Variants in DPP10 observed in about 807,000 individuals in gnomAD.
DPP10 encodes the protein inactive dipeptidyl peptidase 10.
A neutral mutation model predicts 120.9 loss-of-function variants in DPP10; 33 were observed. The ratio of observed to expected loss-of-function variants is 0.27; its 90% CI spans 0.21 to 0.37. DPP10 has a LOEUF of 0.37. Ranked by LOEUF, DPP10 falls within the 10% of genes least tolerant of loss-of-function variation. The probability of loss-of-function intolerance (pLI) is 1.00; values close to 1 mark genes in which losing one functional copy is unlikely to be tolerated. For synonymous variants in DPP10, 337 were observed against 326.1 expected, an observed-to-expected ratio of 1.03 and a Z score of -0.36; for missense variants, 816 against 942.8, an observed-to-expected ratio of 0.87 and a Z score of 1.76.
intron 1 of DPP10, among the ~76,000 whole-genome samples, chr2:114,603,434 A>C (rs2105240322): frequency 6.6e-6 from 1 of 152,140 alleles, no homozygotes; most frequent in Non-Finnish European, 1.5e-5. Context: ...TTAAACCATA[A>C]CGTCGGGATT....
At chr2:115,088,759 A>AAAAAAAAAAAAAAAAAAAC (rs1553485540) in intron 1 of DPP10, among the ~76,000 whole-genome samples, 16 of 149,886 alleles carry the variant, frequency 1.1e-4, no homozygotes, top group Non-Finnish European at 2.2e-4. Flanking sequence ...ACAAAAAAAA[A>AAAAAAAAAAAAAAAAAAAC]AAAAAAAAAA....
At chr2:115,766,274 C>G (rs1680699783) in intron 12 of DPP10, among the ~76,000 whole-genome samples, 1 of 108,966 alleles carries the variant, frequency 9.2e-6, no homozygotes, top group African/African-American at 3.0e-5. Flanking sequence ...AACAAAAATA[C>G]TCATTATATA....
At chr2:114,450,598 T>G (rs1678207558) in intron 1 of DPP10, among the ~76,000 whole-genome samples, 2 of 152,146 alleles carry the variant, frequency 1.3e-5, no homozygotes, top group African/African-American at 4.8e-5. Context: ...TATTGGTCTT[T>G]GTTGAGCTAA....
chr2:114,666,477 A>G (rs949652966), intron 1 of DPP10, among the ~76,000 whole-genome samples: 1 of 152,216 alleles, frequency 6.6e-6, no homozygotes, highest in Non-Finnish European at 1.5e-5. Context: ...TAGACCTATT[A>G]GTAGGAGCCA....
chr2:115,570,033 G>A (rs1029473758), intron 5 of DPP10, among the ~76,000 whole-genome samples: 15 of 152,164 alleles, frequency 9.9e-5, no homozygotes, highest in East Asian at 1.9e-4. Flanking sequence ...TTATCTGTGT[G>A]ACACAGAGAT....
chr2:115,733,728 T>G (rs772950978), intron 8 of DPP10, among the ~76,000 whole-genome samples: 2 of 152,106 alleles, frequency 1.3e-5, no homozygotes, highest in Non-Finnish European at 2.9e-5. Flanking sequence ...CTAAACACAA[T>G]CGTTGTATCT....
At chr2:115,266,744 T>C (rs2059479447) in intron 1 of DPP10, among the ~76,000 whole-genome samples, 1 of 152,200 alleles carries the variant, frequency 6.6e-6, no homozygotes, top group Non-Finnish European at 1.5e-5. Flanking sequence ...TTTGGTCAAC[T>C]TTTATGTACT....
chr2:114,921,732 A>G (rs1016229128), intron 1 of DPP10, among the ~76,000 whole-genome samples: 6 of 152,188 alleles, frequency 3.9e-5, no homozygotes, highest in Admixed American at 3.9e-4. Flanking sequence ...TCACCTTTGG[A>G]CCGTAGGTCA....
intron 4 of DPP10, among the ~76,000 whole-genome samples, chr2:115,508,304 G>C (rs934834955): frequency 1.3e-5 from 2 of 151,756 alleles, no homozygotes; most frequent in African/African-American, 2.4e-5. Context: ...TGCTTTTTCT[G>C]TCCCAACTAC....
intron 1 of DPP10, among the ~76,000 whole-genome samples, chr2:114,911,623 A>C (rs994605946): frequency 1.3e-5 from 2 of 152,206 alleles, no homozygotes; most frequent in Non-Finnish European, 2.9e-5. Context: ...GATGAGAAGA[A>C]ACCAGCCAAG....
At chr2:115,201,499 C>A (rs1246178013) in intron 1 of DPP10, among the ~76,000 whole-genome samples, 1 of 151,988 alleles carries the variant, frequency 6.6e-6, no homozygotes, top group Non-Finnish European at 1.5e-5. Flanking sequence ...AAACATAGAA[C>A]CATTTGGTGA....
At chr2:115,736,500 T>C (rs1157897212) in intron 8 of DPP10, among the ~76,000 whole-genome samples, 1 of 152,182 alleles carries the variant, frequency 6.6e-6, no homozygotes, top group Non-Finnish European at 1.5e-5. Flanking sequence ...ATGTGGATTA[T>C]TATGGTAATG....
At chr2:115,346,112 A>G (rs913764508) in intron 3 of DPP10, among the ~76,000 whole-genome samples, 2 of 152,124 alleles carry the variant, frequency 1.3e-5, no homozygotes, top group African/African-American at 4.8e-5. Flanking sequence ...ATAGAAATGG[A>G]TTTGTGCTTT....
intron 1 of DPP10, among the ~76,000 whole-genome samples, chr2:114,634,587 T>C (rs1225621372): frequency 6.6e-6 from 1 of 151,940 alleles, no homozygotes; most frequent in Non-Finnish European, 1.5e-5. Flanking sequence ...GCAGGTTTTA[T>C]CACTTGCTAT....
rs550363240 is a variant in DPP10 at position 115,051,183 on chromosome 2, G to A, written c.61-258056G>A. Among the ~76,000 whole-genome samples the A allele has an allele frequency of 7.9e-5, 12 of 152,234 alleles. No homozygotes were observed. The South Asian group carries it at 2.5e-3, about 32-fold the overall frequency. ...TGCCTCTGATTAACCTGAGACATTG[G>A]TCTTAGCAGACAAATCCTTTAAATC... On this transcript the variant is annotated intron_variant, in intron 1 of 25. Transcript: ENST00000410059.
intron 1 of DPP10, among the ~76,000 whole-genome samples, chr2:115,139,110 T>G (rs1400534753): frequency 1.3e-5 from 2 of 152,170 alleles, no homozygotes; most frequent in Non-Finnish European, 2.9e-5. Flanking sequence ...TCCAAGAAAG[T>G]GTTTGCAAAG....
At chr2:114,954,137 G>A (rs1294448260) in intron 1 of DPP10, among the ~76,000 whole-genome samples, 1 of 148,962 alleles carries the variant, frequency 6.7e-6, no homozygotes, top group Non-Finnish European at 1.5e-5. Context: ...CTGGAGGGCA[G>A]TGGTGCTATC....
intron 1 of DPP10, among the ~76,000 whole-genome samples, chr2:114,859,824 A>T (rs1422182877): frequency 6.6e-6 from 1 of 152,150 alleles, no homozygotes; most frequent in Non-Finnish European, 1.5e-5. Flanking sequence ...CCTGAAACTC[A>T]TCTCTTGTTT....
At chr2:115,135,068 G>C (rs959534466) in intron 1 of DPP10, among the ~76,000 whole-genome samples, 2 of 151,908 alleles carry the variant, frequency 1.3e-5, no homozygotes, top group Non-Finnish European at 2.9e-5. Flanking sequence ...ACTGAAGAAG[G>C]CTTCCACCTA....
Sources: gnomAD v4.1 joint callset for allele counts (sites outside exome capture counted in the v4.1 genomes callset) on GRCh38, gnomAD v4.1.1 for gene constraint, MANE v1.5 for transcripts, NCBI Gene and HGNC (gene_info 2026-07-23, HGNC 2026-07-21) for gene names.